Variants in FGGY observed in about 807,000 individuals in gnomAD.
FGGY encodes the protein FGGY carbohydrate kinase domain-containing protein.
In FGGY, 72 loss-of-function variants were observed where a neutral mutation model predicts 71.3. The ratio of observed to expected loss-of-function variants is 1.01; its 90% CI spans 0.84 to 1.23. The LOEUF (loss-of-function observed/expected upper bound fraction) is 1.23. Ranked by LOEUF, FGGY falls within the 50% of genes most tolerant of loss-of-function variation. The pLI, the probability that FGGY is intolerant of heterozygous loss-of-function variation, is 0.00. For synonymous variants in FGGY, 251 were observed against 250.3 expected (o/e 1.00, Z -0.02); for missense variants, 668 against 682.3 (o/e 0.98, Z 0.23).
chr1:59,322,933 A>G (rs908412195), intron 2 of FGGY, among the ~76,000 whole-genome samples: 2 of 152,140 alleles, frequency 1.3e-5, no homozygotes, highest in South Asian at 4.1e-4. Context: ...CAGATGGACA[A>G]TTCACCATTC....
At chr1:59,556,736 A>G (rs1166320627) in intron 8 of FGGY, among the ~76,000 whole-genome samples, 1 of 152,220 alleles carries the variant, frequency 6.6e-6, no homozygotes, top group African/African-American at 2.4e-5. Flanking sequence ...GTTGAGTAAC[A>G]TGCATTATGT....
At chr1:59,743,806 G>C (rs1012836794) in intron 14 of FGGY, among the ~76,000 whole-genome samples, 1 of 152,200 alleles carries the variant, frequency 6.6e-6, no homozygotes, top group Non-Finnish European at 1.5e-5. Flanking sequence ...AAACCAAGAA[G>C]CTTCTACAAC....
At chr1:59,455,874 A>C (rs2091639128) in intron 5 of FGGY, among the ~76,000 whole-genome samples, 1 of 152,218 alleles carries the variant, frequency 6.6e-6, no homozygotes, top group Admixed American at 6.5e-5. Flanking sequence ...AAGGCACTGA[A>C]GTATGTCAGA....
intron 4 of FGGY, among the ~76,000 whole-genome samples, chr1:59,355,219 GTT>G (rs149395626): frequency 6.7e-6 from 1 of 149,526 alleles, no homozygotes; most frequent in African/African-American, 2.5e-5. Context: ...ACTTCATACT[GTT>G]TTTTTTTTAT....
intron 15 of FGGY, among the ~76,000 whole-genome samples, chr1:59,760,330 T>C (rs750573895): frequency 6.6e-6 from 1 of 152,346 alleles, no homozygotes; most frequent in Non-Finnish European, 1.5e-5. Context: ...TTGGAAGCTC[T>C]GTGCATAGTT....
intron 5 of FGGY, among the ~76,000 whole-genome samples, chr1:59,403,734 G>A (rs2153411437): frequency 6.6e-6 from 1 of 152,350 alleles, no homozygotes; most frequent in African/African-American, 2.4e-5. Context: ...AGAACACAAA[G>A]TCCTCACGTG....
chr1:59,546,941 C>G (rs947045586), intron 7 of FGGY, among the ~76,000 whole-genome samples: 1 of 148,396 alleles, frequency 6.7e-6, no homozygotes, highest in Non-Finnish European at 1.5e-5. Flanking sequence ...ATTGGGATTA[C>G]CTTTTTGACT....
intron 5 of FGGY, among the ~76,000 whole-genome samples, chr1:59,395,266 G>A (rs1360605343): frequency 6.6e-6 from 1 of 152,014 alleles, no homozygotes; most frequent in Admixed American, 6.5e-5. Flanking sequence ...CTGAGAAATC[G>A]ACTGGGAAGA....
At chr1:59,677,257 C>G (rs1322346880) in intron 14 of FGGY, among the ~76,000 whole-genome samples, 1 of 152,220 alleles carries the variant, frequency 6.6e-6, no homozygotes, top group Non-Finnish European at 1.5e-5. Flanking sequence ...TCAACACAGT[C>G]TTTTCTTTGA....
intron 6 of FGGY, among the ~76,000 whole-genome samples, chr1:59,474,985 A>G (rs1374908690): frequency 6.6e-6 from 1 of 152,240 alleles, no homozygotes; most frequent in Non-Finnish European, 1.5e-5. Flanking sequence ...TTCCTAGCAT[A>G]CAATAGGTCT....
chr1:59,652,351 G>T (rs1305078278), intron 11 of FGGY, among the ~76,000 whole-genome samples: 14 of 150,120 alleles, frequency 9.3e-5, no homozygotes, highest in South Asian at 2.2e-4. Context: ...AGAGTGTTTT[G>T]CAACTTGGTT....
intron 8 of FGGY, among the ~76,000 whole-genome samples, chr1:59,562,807 T>A (rs933572326): frequency 2.0e-5 from 3 of 152,196 alleles, no homozygotes; most frequent in African/African-American, 7.2e-5. Flanking sequence ...GATTTGGGTA[T>A]GTTTATCTTG....
chr1:59,319,766 G>C (rs1461312894), intron 1 of FGGY, among the ~76,000 whole-genome samples: 1 of 152,102 alleles, frequency 6.6e-6, no homozygotes, highest in Non-Finnish European at 1.5e-5. Flanking sequence ...CAGGCAGAGG[G>C]AGCCTGTGGA....
intron 4 of FGGY, among the ~76,000 whole-genome samples, chr1:59,369,565 C>T (rs2153266429): frequency 1.3e-5 from 2 of 152,350 alleles, no homozygotes; most frequent in Non-Finnish European, 2.9e-5. Context: ...AGCAGTGGTT[C>T]TCCCAGCACG....
rs191953426 is a variant in FGGY at position 59,734,394 on chromosome 1, G to A, written c.1513-23537G>A. On this transcript the variant is annotated intron_variant, in intron 14 of 15. Transcript: ENST00000303721. ...ATTTTTTGTGTTTTTTTGTAGAGAC[G>A]GGGTTTTGCCACATTGGCCAGACTG... is the stretch of plus-strand genomic sequence containing the variant. 6.6e-5 allele frequency among the ~76,000 whole-genome samples: 10 copies of A among 152,194 alleles called. 1 individual carries two copies. The highest frequency in any genetic ancestry group is 6.2e-4 in the South Asian group (3 of 4,824).
chr1:59,375,865 C>G (rs964017246), intron 4 of FGGY, among the ~76,000 whole-genome samples: 2 of 140,016 alleles, frequency 1.4e-5, no homozygotes, highest in South Asian at 2.3e-4. Context: ...TGACCACACA[C>G]AAGATCTAAA....
chr1:59,668,996 A>G (rs1294208370), intron 13 of FGGY, among the ~76,000 whole-genome samples: 1 of 148,438 alleles, frequency 6.7e-6, no homozygotes. Context: ...CATCTCAAAA[A>G]AAAAAAAAAA....
At chr1:59,575,277 C>T (rs918110737) in intron 8 of FGGY, among the ~76,000 whole-genome samples, 24 of 152,100 alleles carry the variant, frequency 1.6e-4, no homozygotes, top group African/African-American at 5.6e-4. Flanking sequence ...CTTGGCAACC[C>T]CACCCTAATA....
intron 5 of FGGY, among the ~76,000 whole-genome samples, chr1:59,427,435 A>T (rs1284157406): frequency 6.6e-6 from 1 of 152,182 alleles, no homozygotes; most frequent in East Asian, 1.9e-4. Flanking sequence ...TGGCGGAGGT[A>T]AGAGTTGGTT....
Sources: gnomAD v4.1 joint callset for allele counts (sites outside exome capture counted in the v4.1 genomes callset) on GRCh38, gnomAD v4.1.1 for gene constraint, MANE v1.5 for transcripts, NCBI Gene and HGNC (gene_info 2026-07-23, HGNC 2026-07-21) for gene names.